UNC5D: variants seen among roughly 807,000 people sequenced by gnomAD.
UNC5D encodes unc-5 netrin receptor D.
UNC5D carries 39 observed loss-of-function variants against 105.4 expected under a neutral mutation model. The ratio of observed to expected loss-of-function variants is 0.37; its 90% CI spans 0.29 to 0.48. The LOEUF (loss-of-function observed/expected upper bound fraction) is 0.48. UNC5D is among the 20% of genes least tolerant of loss of function. The pLI is 0.98. For missense variants in UNC5D, 991 were observed against 1,202.4 expected (o/e 0.82, Z 2.60); for synonymous variants, 452 against 450.4 (o/e 1.00, Z -0.04).
chr8:35,367,306 A>G (rs895231656), intron 1 of UNC5D, among the ~76,000 whole-genome samples: 1 of 152,154 alleles, frequency 6.6e-6, no homozygotes, highest in African/African-American at 2.4e-5. Context: ...CCATGCTTTC[A>G]TGCCCTTCCA....
At chr8:35,632,852 T>G (rs1822126542) in intron 4 of UNC5D, among the ~76,000 whole-genome samples, 1 of 152,298 alleles carries the variant, frequency 6.6e-6, no homozygotes, top group South Asian at 2.1e-4. Context: ...CATCTCTTTT[T>G]CTCAGCTACT....
chr8:35,519,795 A>G (rs934472449), intron 1 of UNC5D, among the ~76,000 whole-genome samples: 1 of 152,130 alleles, frequency 6.6e-6, no homozygotes, highest in African/African-American at 2.4e-5. Context: ...AAGAATATGA[A>G]TGGCTAAGAA....
At chr8:35,707,885 T>C (rs1341583602) in intron 8 of UNC5D, among the ~76,000 whole-genome samples, 1 of 152,110 alleles carries the variant, frequency 6.6e-6, no homozygotes, top group East Asian at 1.9e-4. Flanking sequence ...ACGGAATCGC[T>C]TAAACTGTTT....
intron 1 of UNC5D, among the ~76,000 whole-genome samples, chr8:35,324,066 C>A (rs577979182): frequency 6.6e-6 from 1 of 151,660 alleles, no homozygotes; most frequent in South Asian, 2.1e-4. Flanking sequence ...CCCATCTATA[C>A]CAAAAAGTTA....
chr8:35,316,807 T>G (rs1361370478), intron 1 of UNC5D, among the ~76,000 whole-genome samples: 3 of 152,200 alleles, frequency 2.0e-5, no homozygotes, highest in Non-Finnish European at 2.9e-5. Context: ...TTCAGTTTTC[T>G]TCATTGCTTA....
chr8:35,538,039 A>G (rs1814964658), intron 1 of UNC5D, among the ~76,000 whole-genome samples: 2 of 152,230 alleles, frequency 1.3e-5, no homozygotes, highest in Admixed American at 6.5e-5. Flanking sequence ...ATAGTTGGGC[A>G]TTGGTATACA....
At chr8:35,610,831 G>A (rs1405712706) in intron 4 of UNC5D, among the ~76,000 whole-genome samples, 1 of 152,034 alleles carries the variant, frequency 6.6e-6, no homozygotes, top group Admixed American at 6.6e-5. Flanking sequence ...GTATGGAAAT[G>A]ATAGAAATAG....
intron 1 of UNC5D, among the ~76,000 whole-genome samples, chr8:35,532,291 C>G (rs1814448267): frequency 6.6e-6 from 1 of 151,376 alleles, no homozygotes; most frequent in Non-Finnish European, 1.5e-5. Context: ...TATTTTATTT[C>G]TCCTTCACTT....
intron 1 of UNC5D, among the ~76,000 whole-genome samples, chr8:35,246,950 A>C (rs374527826): frequency 3.9e-5 from 6 of 152,104 alleles, no homozygotes; most frequent in African/African-American, 1.2e-4. Context: ...TTACATTGCT[A>C]AAAAGGGCCC....
At chr8:35,677,543 T>A (rs1206629661) in intron 4 of UNC5D, among the ~76,000 whole-genome samples, 1 of 152,132 alleles carries the variant, frequency 6.6e-6, no homozygotes, top group Non-Finnish European at 1.5e-5. Flanking sequence ...TTTTAAAGTT[T>A]CTCTAAGTGA....
intron 1 of UNC5D, among the ~76,000 whole-genome samples, chr8:35,468,567 C>T (rs1809478499): frequency 6.6e-6 from 1 of 152,174 alleles, no homozygotes; most frequent in African/African-American, 2.4e-5. Context: ...GTGTTATTGT[C>T]TGTGTCCTCT....
At chr8:35,396,466 C>T (rs944840423) in intron 1 of UNC5D, among the ~76,000 whole-genome samples, 3 of 151,902 alleles carry the variant, frequency 2.0e-5, no homozygotes, top group Non-Finnish European at 4.4e-5. Flanking sequence ...GGCTCCTTAG[C>T]GACTCAGAAC....
chr8:35,369,621 G>A (rs866703053), intron 1 of UNC5D, among the ~76,000 whole-genome samples: 10 of 152,294 alleles, frequency 6.6e-5, no homozygotes, highest in Middle Eastern at 3.4e-3. Context: ...TCCATGCGTA[G>A]ATGTGTCCTG....
At chr8:35,672,106 A>G (rs558572740) in intron 4 of UNC5D, among the ~76,000 whole-genome samples, 8 of 152,206 alleles carry the variant, frequency 5.3e-5, no homozygotes, top group African/African-American at 1.9e-4. Context: ...TGTATGTATG[A>G]TACGTGTCTG....
At chr8:35,702,005 T>TGACA (rs1827237178) in intron 7 of UNC5D, among the ~76,000 whole-genome samples, 1 of 151,626 alleles carries the variant, frequency 6.6e-6, no homozygotes, top group South Asian at 2.1e-4. Context: ...AAATAAAATG[T>TGACA]GACAATTTAA....
chr8:35,336,679 T>C (rs1811067205), intron 1 of UNC5D, among the ~76,000 whole-genome samples: 1 of 152,290 alleles, frequency 6.6e-6, no homozygotes, highest in African/African-American at 2.4e-5. Flanking sequence ...CTAAGGATAG[T>C]ATGCAGACAT....
At chr8:35,608,796 T>C (rs549799127) in intron 4 of UNC5D, among the ~76,000 whole-genome samples, 1 of 114,270 alleles carries the variant, frequency 8.8e-6, no homozygotes, top group South Asian at 2.5e-4. Context: ...TGTGTATGTA[T>C]ACATTTTCTT....
chr8:35,387,115 C>T (rs1803454815), intron 1 of UNC5D, among the ~76,000 whole-genome samples: 1 of 151,780 alleles, frequency 6.6e-6, no homozygotes, highest in African/African-American at 2.4e-5. Flanking sequence ...AATCCCAGCA[C>T]TTTGGGAGGC....
chr8:35,307,104 G>T (rs1808481357), intron 1 of UNC5D, among the ~76,000 whole-genome samples: 1 of 136,594 alleles, frequency 7.3e-6, no homozygotes, highest in African/African-American at 2.8e-5. Flanking sequence ...ACTACTGATA[G>T]CTGATGAGCT....
Sources: gnomAD v4.1 joint callset for allele counts (sites outside exome capture counted in the v4.1 genomes callset) on GRCh38, gnomAD v4.1.1 for gene constraint, MANE v1.5 for transcripts, NCBI Gene and HGNC (gene_info 2026-07-23, HGNC 2026-07-21) for gene names.